The following PCGF5 variants were observed in gnomAD, a reference collection of about 807,000 sequenced individuals.
PCGF5 encodes the protein polycomb group ring finger 5.
In PCGF5, 9 loss-of-function variants were observed where a neutral mutation model predicts 44.3. That is an observed-to-expected ratio of 0.20 (90% CI 0.12 to 0.35). The LOEUF (loss-of-function observed/expected upper bound fraction) is 0.35, where lower values mean the gene tolerates loss of function less well. Among genes scored for constraint, PCGF5 ranks in the 10% least tolerant of loss-of-function variants. The pLI, the probability that PCGF5 is intolerant of heterozygous loss-of-function variation, is 1.00. For missense variants in PCGF5, 146 were observed against 305.3 expected (o/e 0.48, Z 3.89); for synonymous variants, 95 against 102.5 (o/e 0.93, Z 0.44).
At chr10:91,181,882 A>C (rs1034660345) in intron 1 of PCGF5, among the ~76,000 whole-genome samples, 4 of 152,172 alleles carry the variant, frequency 2.6e-5, no homozygotes, top group African/African-American at 4.8e-5. Context: ...GGCCTCATAG[A>C]ATGAATTAGG....
At chr10:91,255,924 T>A (rs375772913) in intron 6 of PCGF5, among the ~76,000 whole-genome samples, 1 of 152,106 alleles carries the variant, frequency 6.6e-6, no homozygotes, top group Non-Finnish European at 1.5e-5. Context: ...ATCTCTAGAT[T>A]ACTTGTAATA....
At chr10:91,193,675 C>T (rs1844076262) in intron 1 of PCGF5, among the ~76,000 whole-genome samples, 1 of 152,008 alleles carries the variant, frequency 6.6e-6, no homozygotes, top group African/African-American at 2.4e-5. Context: ...GCTAGGGAGT[C>T]ATTGCAGCAT....
chr10:91,194,812 AAGAT>A, intron 1 of PCGF5, among the ~76,000 whole-genome samples: 1 of 152,324 alleles, frequency 6.6e-6, no homozygotes, highest in South Asian at 2.1e-4. Flanking sequence ...ATTTTTAAAA[AAGAT>A]AGTATTAAGG....
At chr10:91,216,078 G>C (rs1473932896), upstream of PCGF5, among the ~76,000 whole-genome samples, 1 of 152,148 alleles carries the variant, frequency 6.6e-6, no homozygotes, top group Non-Finnish European at 1.5e-5. Flanking sequence ...ACTCTGCTGG[G>C]GATATGCATA....
intron 8 of PCGF5, among the ~76,000 whole-genome samples, chr10:91,268,224 C>G (rs1170468141): frequency 6.6e-6 from 1 of 152,062 alleles, no homozygotes; most frequent in African/African-American, 2.4e-5. Flanking sequence ...CATAACACCC[C>G]TATCTAAAAC....
In PCGF5 at chr10:91,280,248, G is replaced by A. The variant is rs1038794103; in HGVS notation, c.*1932G>A. 5.3e-5 allele frequency: 8 copies of A among 152,072 alleles called. No individual in the cohort carries two copies. Among genetic ancestry groups the A allele is most frequent in the Non-Finnish European group, 7.4e-5 (5 of 67,866 alleles). The allele number at this position is 152,072 out of a possible 1,614,324, so 9.4% of individuals were successfully genotyped here. On this transcript the variant is annotated 3_prime_UTR_variant, in exon 10 of 10. Transcript: ENST00000336126. ...ATAAATTTGTCACACCTAGGTCAGC[G>A]ATTAAAATAGTGTTTTGCAAATGGA... is the stretch of plus-strand genomic sequence containing the variant.
At chr10:91,218,330 C>G (rs1844585106), upstream of PCGF5, among the ~76,000 whole-genome samples, 1 of 151,166 alleles carries the variant, frequency 6.6e-6, no homozygotes, top group African/African-American at 2.4e-5. Context: ...CTTTTTTTTT[C>G]CCCTGGTCCT....
rs577780438 is a variant in PCGF5 at position 91,180,426 on chromosome 10, A to G, written c.-184+17345A>G. On this transcript the variant is annotated intron_variant, in intron 1 of 9. Transcript: ENST00000614189. ...CATTATGAAATCTTTGCCCATGCCT[A>G]TGCCCTGAATGATAGGTTGTCTTCC... Among the ~76,000 whole-genome samples the G allele has an allele frequency of 2.0e-5, 3 of 152,252 alleles. No individual in the cohort carries two copies. The South Asian group carries it at 6.2e-4, about 32-fold the overall frequency.
chr10:91,204,924 A>G, intron 1 of PCGF5, among the ~76,000 whole-genome samples: 1 of 152,246 alleles, frequency 6.6e-6, no homozygotes, highest in Non-Finnish European at 1.5e-5. Context: ...ATAAAATACC[A>G]GAAATAATGT....
At chr10:91,276,961 T>G (rs555541841) in intron 9 of PCGF5, among the ~76,000 whole-genome samples, 1 of 152,182 alleles carries the variant, frequency 6.6e-6, no homozygotes, top group Non-Finnish European at 1.5e-5. Flanking sequence ...CCAGGTAATC[T>G]GATTCAGGGG....
At chr10:91,159,715 C>T (rs1244440927), upstream of PCGF5, among the ~76,000 whole-genome samples, 1 of 152,196 alleles carries the variant, frequency 6.6e-6, no homozygotes, top group African/African-American at 2.4e-5. Flanking sequence ...CTCATGACAA[C>T]CCACTGAAGT....
chr10:91,270,737 A>G (rs73312480), intron 8 of PCGF5, among the ~76,000 whole-genome samples: 1,918 of 152,312 alleles, frequency 0.013, 48 homozygotes, highest in African/African-American at 0.043. Context: ...TATGTTAGAA[A>G]TATCCTGGTT....
intron 2 of PCGF5, among the ~76,000 whole-genome samples, chr10:91,230,944 C>G (rs892100889): frequency 9.9e-5 from 15 of 152,162 alleles, no homozygotes; most frequent in African/African-American, 3.4e-4. Context: ...GAGACGGGAT[C>G]TTACCATGTT....
At chr10:91,241,361 C>G (rs374662818) in intron 3 of PCGF5, among the ~76,000 whole-genome samples, 3 of 152,222 alleles carry the variant, frequency 2.0e-5, no homozygotes, top group East Asian at 3.9e-4. Context: ...AGCCACCACA[C>G]CTGGCCTAAT....
chr10:91,233,662 G>T (rs967305749), intron 2 of PCGF5, among the ~76,000 whole-genome samples: 1 of 152,142 alleles, frequency 6.6e-6, no homozygotes, highest in African/African-American at 2.4e-5. Context: ...TTAGTTTCAC[G>T]TGTAAGAATA....
At chr10:91,234,757 C>T (rs1845107618) in intron 2 of PCGF5, among the ~76,000 whole-genome samples, 1 of 152,284 alleles carries the variant, frequency 6.6e-6, no homozygotes, top group Non-Finnish European at 1.5e-5. Flanking sequence ...ATATTATCTC[C>T]TTTAAGCCTC....
intron 2 of PCGF5, among the ~76,000 whole-genome samples, chr10:91,230,881 C>G (rs756750923): frequency 7.9e-5 from 12 of 152,104 alleles, no homozygotes; most frequent in Non-Finnish European, 1.5e-4. Flanking sequence ...CCTTGACCTC[C>G]CAAAGTGCTG....
intron 8 of PCGF5, among the ~76,000 whole-genome samples, chr10:91,266,194 C>T (rs367823899): frequency 2.2e-4 from 33 of 152,048 alleles, no homozygotes; most frequent in African/African-American, 5.1e-4. Context: ...GATAGTTTAG[C>T]GGGCATTGCA....
chr10:91,248,692 G>GAGCGT lies in PCGF5; in HGVS notation c.293_294insAGCGT (p.Trp98Ter). On this transcript the variant is annotated stop_gained and frameshift_variant, in exon 5 of 10. Coordinates refer to ENST00000336126, the MANE Select transcript of PCGF5 (RefSeq NM_032373.5). LOFTEE classifies it high-confidence loss of function. ...GAACTTGAGCGTGAATCTGAATTTTGGAAGAAAAATAAGCCTCAAGAAAAT... is the reference window on the plus strand; with the variant it reads ...GAACTTGAGCGTGAATCTGAATTTTGAGCGTGAAGAAAAATAAGCCTCAAGAAAAT... 1 of 1,609,442 alleles carries GAGCGT rather than the reference G, an allele frequency of 6.2e-7. No homozygotes were observed. The highest frequency in any genetic ancestry group is 8.5e-7 in the Non-Finnish European group (1 of 1,177,940).
Sources: allele counts gnomAD v4.1 joint callset (sites outside exome capture counted in the v4.1 genomes callset), GRCh38; gene constraint gnomAD v4.1.1; transcripts MANE v1.5; gene names NCBI Gene and HGNC (gene_info 2026-07-23, HGNC 2026-07-21).